Variants in MARCHF2 observed in about 807,000 individuals in gnomAD.
The protein encoded by MARCHF2 is E3 ubiquitin-protein ligase MARCHF2.
MARCHF2 carries 22 observed loss-of-function variants against 24.0 expected under a neutral mutation model. The observed-to-expected ratio is 0.92, with a 90% CI of 0.66 to 1.31. MARCHF2 has a LOEUF of 1.31. MARCHF2 is among the 50% of genes most tolerant of loss of function. The pLI is 0.00. For synonymous variants in MARCHF2, 154 were observed against 153.0 expected, an observed-to-expected ratio of 1.01 and a Z score of -0.05; for missense variants, 301 against 335.3, an observed-to-expected ratio of 0.90 and a Z score of 0.80.
At chr19:8,416,448 GTC>G (rs1967090572) in intron 1 of MARCHF2, among the ~76,000 whole-genome samples, 1 of 152,086 alleles carries the variant, frequency 6.6e-6, no homozygotes, top group Admixed American at 6.6e-5. Context: ...ATCTGACAGG[GTC>G]TCTTTTTTAC....
chr19:8,419,023 G>A (rs1229864882), intron 1 of MARCHF2, among the ~76,000 whole-genome samples: 1 of 152,012 alleles, frequency 6.6e-6, no homozygotes, highest in Non-Finnish European at 1.5e-5. Context: ...CACCTGTATT[G>A]GCTTCAAGGA....
chr19:8,436,768 C>T lies in MARCHF2; in HGVS notation c.583-1620C>T, dbSNP rs559477785. ...AGCGATCTCGGCTTACCGCAGCCTC[C>T]GCACCCCTCCCCCACAGGTTCAAGC... On this transcript the variant is annotated intron_variant, in intron 4 of 4. Transcript: ENST00000215555. Among the ~76,000 whole-genome samples the T allele has an allele frequency of 1.9e-4, 28 of 149,396 alleles. No individual in the cohort carries two copies. The South Asian group carries it at 4.5e-3, about 24-fold the overall frequency.
At chr19:8,417,483 G>C (rs1020763138) in intron 1 of MARCHF2, among the ~76,000 whole-genome samples, 1 of 152,198 alleles carries the variant, frequency 6.6e-6, no homozygotes, top group African/African-American at 2.4e-5. Context: ...TGTCACCCAG[G>C]CTGGAGTGCA....
chr19:8,422,069 C>A (rs10469477), intron 2 of MARCHF2, 53 bp downstream of exon 2: 2 of 1,536,606 alleles, frequency 1.3e-6, no homozygotes, highest in Non-Finnish European at 1.8e-6. Context: ...TCTCTCTGGG[C>A]GCAGTGAGTT....
chr19:8,437,675 T>A (rs1378903592), intron 4 of MARCHF2, among the ~76,000 whole-genome samples: 1 of 151,656 alleles, frequency 6.6e-6, no homozygotes, highest in Admixed American at 6.6e-5. Context: ...AGTGACTTTT[T>A]TTTTTTTAAA....
At chr19:8,421,737 T>C in intron 1 of MARCHF2, 52 bp from the exon 2 acceptor site, 1 of 1,031,710 alleles carries the variant, frequency 9.7e-7, no homozygotes, top group East Asian at 2.6e-5. Context: ...CAAACCTTAG[T>C]CCGTCAGGCT....
At chr19:8,428,671 A>C (rs1003441310) in intron 3 of MARCHF2, among the ~76,000 whole-genome samples, 3 of 148,048 alleles carry the variant, frequency 2.0e-5, no homozygotes, top group African/African-American at 4.9e-5. Flanking sequence ...AAAAAAAAAA[A>C]AAAAAAAAAA....
intron 2 of MARCHF2, among the ~76,000 whole-genome samples, chr19:8,422,590 G>A (rs571919920): frequency 5.3e-5 from 8 of 151,570 alleles, no homozygotes; most frequent in Non-Finnish European, 8.8e-5. Flanking sequence ...ACGGGGTTTC[G>A]CCATGTTGGC....
Position 8,433,675 on chromosome 19 carries a change from C to CA in MARCHF2, c.582+2826dup, listed in dbSNP as rs143853447. Among the ~76,000 whole-genome samples the CA allele has an allele frequency of 5.8e-3, 528 of 90,498 alleles. 3 individuals are homozygous for CA. Among genetic ancestry groups the CA allele is most frequent in the Admixed American group, 8.7e-3 (66 of 7,590 alleles). The allele number at this position is 90,498 out of a possible 152,430, so 59.4% of individuals were successfully genotyped here. ...TGGGCAACAGAGCAAGACTCCGTCT[C>CA]AAAAAAAAAAAAAAAAAAGAAAAGA... On this transcript the variant is annotated intron_variant, in intron 4 of 4. Coordinates refer to ENST00000215555, the MANE Select transcript of MARCHF2 (RefSeq NM_001005415.2).
At chr19:8,419,430 G>C (rs1327557882) in intron 1 of MARCHF2, among the ~76,000 whole-genome samples, 2 of 150,366 alleles carry the variant, frequency 1.3e-5, no homozygotes, top group African/African-American at 2.4e-5. Flanking sequence ...GGAGGCGGAG[G>C]TTGCAGTGAG....
intron 1 of MARCHF2, among the ~76,000 whole-genome samples, chr19:8,421,239 C>T (rs1967229833): frequency 6.6e-6 from 1 of 151,854 alleles, no homozygotes; most frequent in African/African-American, 2.4e-5. Flanking sequence ...TGTCCCGCCT[C>T]AGCCTCCCAA....
chr19:8,436,677 C>CTT (rs71175858), intron 4 of MARCHF2, among the ~76,000 whole-genome samples: 26 of 71,538 alleles, frequency 3.6e-4, no homozygotes, highest in African/African-American at 1.1e-3. Context: ...TAAGGGCTTT[C>CTT]TTTTTTTTTT....
At chr19:8,434,702 C>CTTTATTTATTTA (rs34728303) in intron 4 of MARCHF2, among the ~76,000 whole-genome samples, 1 of 150,722 alleles carries the variant, frequency 6.6e-6, no homozygotes, top group African/African-American at 2.4e-5. Flanking sequence ...AACCACTGAC[C>CTTTATTTATTTA]TTTATTTATT....
Position 8,430,632 on chromosome 19 carries a change from T to TCTGCCCCCTATCCTCTCCC in MARCHF2, c.373-21_373-3dup, listed in dbSNP as rs1355719677. The stretch of plus-strand genomic sequence containing the variant: ...GTAGCCCCTTCTCTGCCCCCTCTCC[T>TCTGCCCCCTATCCTCTCCC]CTGCCCCCTATCCTCTCCCCTGCAG... On this transcript the variant is annotated intron_variant, in intron 3 of 4. Coordinates refer to ENST00000215555, the MANE Select transcript of MARCHF2 (RefSeq NM_001005415.2). The surrounding 1 kb of genome is among the most constrained non-coding windows in gnomAD (Gnocchi z 4.4). 1.1e-5 allele frequency: 17 copies of TCTGCCCCCTATCCTCTCCC among 1,596,628 alleles called. No homozygotes were observed. The highest frequency in any genetic ancestry group is 1.4e-5 in the Non-Finnish European group (17 of 1,174,530).
At chr19:8,427,110 C>T (rs1407652298) in intron 3 of MARCHF2, among the ~76,000 whole-genome samples, 7 of 151,930 alleles carry the variant, frequency 4.6e-5, no homozygotes, top group East Asian at 1.9e-4. Context: ...TGCAGTGGTG[C>T]GATCTCGGCT....
chr19:8,436,793 C>T (rs962833536), intron 4 of MARCHF2, among the ~76,000 whole-genome samples: 9 of 148,278 alleles, frequency 6.1e-5, no homozygotes, highest in Non-Finnish European at 1.2e-4. Flanking sequence ...CAGGTTCAAG[C>T]GATTCTCTTG....
At chr19:8,437,542 G>A (rs1442261168) in intron 4 of MARCHF2, among the ~76,000 whole-genome samples, 9 of 150,934 alleles carry the variant, frequency 6.0e-5, no homozygotes, top group South Asian at 2.1e-4. Context: ...CAGTAGAGAT[G>A]GCGTTTCACC....
intron 4 of MARCHF2, among the ~76,000 whole-genome samples, chr19:8,434,144 G>C (rs992276817): frequency 6.7e-6 from 1 of 148,300 alleles, no homozygotes; most frequent in South Asian, 2.1e-4. Flanking sequence ...GAGTGCAGTG[G>C]CACAATGTTG....
At chr19:8,416,031 C>T (rs989519855) in intron 1 of MARCHF2, among the ~76,000 whole-genome samples, 4 of 151,938 alleles carry the variant, frequency 2.6e-5, no homozygotes, top group African/African-American at 4.8e-5. Context: ...TGTTCTTAAA[C>T]GGAGTGAGGA....
Sources: allele counts gnomAD v4.1 joint callset (sites outside exome capture counted in the v4.1 genomes callset), GRCh38; gene constraint gnomAD v4.1.1; non-coding constraint Gnocchi (gnomAD v3.1); transcripts MANE v1.5; gene names NCBI Gene and HGNC (gene_info 2026-07-23, HGNC 2026-07-21).